Variants in KIAA0319L observed in about 807,000 individuals in gnomAD.
KIAA0319L encodes the protein KIAA0319 like, also known as dyslexia-associated protein KIAA0319-like protein.
Under a neutral mutation model 120.1 loss-of-function variants are expected in KIAA0319L, and 55 were observed. The observed-to-expected ratio is 0.46, with a 90% CI of 0.37 to 0.57. The LOEUF (loss-of-function observed/expected upper bound fraction) is 0.57. KIAA0319L is among the 20% of genes least tolerant of loss of function. KIAA0319L has a pLI of 0.00. For missense variants in KIAA0319L, 1,049 were observed against 1,255.3 expected (o/e 0.84, Z 2.48); for synonymous variants, 398 against 471.9 (o/e 0.84, Z 2.03).
chr1:35,531,094 CT>C (rs1393164841), intron 2 of KIAA0319L, among the ~76,000 whole-genome samples: 2 of 152,222 alleles, frequency 1.3e-5, no homozygotes, highest in African/African-American at 4.8e-5. Flanking sequence ...TAAGCTTCAG[CT>C]TCTGGCAGCA....
At chr1:35,470,697 A>G (rs1643569277) in intron 6 of KIAA0319L, among the ~76,000 whole-genome samples, 166 bp downstream of exon 6, 1 of 152,182 alleles carries the variant, frequency 6.6e-6, no homozygotes, top group Non-Finnish European at 1.5e-5. Context: ...AATTTTGAGA[A>G]TCATACACTA....
intron 2 of KIAA0319L, among the ~76,000 whole-genome samples, chr1:35,547,860 G>A (rs925340237): frequency 1.3e-5 from 2 of 152,114 alleles, no homozygotes; most frequent in Admixed American, 6.5e-5. Context: ...AGTGGCTCAC[G>A]CCTGTAATCC....
In KIAA0319L at chr1:35,506,637, C is replaced by T. The variant is rs533080996; in HGVS notation, c.641G>A (p.Gly214Asp). Residue 214 changes from glycine (G) to aspartate (D), a missense_variant, in exon 3 of 21, where the codon GGT (glycine) becomes GAT (aspartate). Transcript: ENST00000325722. This position sits in a 1 kb window ranked among gnomAD's most constrained non-coding sequence, Gnocchi z 4.0. ...SKVNDSNELG[G>D]LTTSGSAEVH... ...CTCTGCAGAGCCACTGGTAGTCAGA[C>T]CACCTAATTCGTTGGAGTCATTCAC... 22 of 1,613,648 alleles carry T rather than the reference C, an allele frequency of 1.4e-5. No individual in the cohort carries two copies. Among genetic ancestry groups the T allele is most frequent in the East Asian group, 4.5e-5 (2 of 44,892 alleles).
Position 35,505,882 on chromosome 1 carries a change from G to A in KIAA0319L, c.666+730C>T, listed in dbSNP as rs138483531. On this transcript the variant is annotated intron_variant, in intron 3 of 20. Coordinates refer to ENST00000325722, the MANE Select transcript of KIAA0319L (RefSeq NM_024874.5). Reference sequence around the variant, plus strand: ...CAGTGCAACAATTAGTACACAGAGCGCTTGGCATGTCATAGCCCACTCTGG... The same window carrying A: ...CAGTGCAACAATTAGTACACAGAGCACTTGGCATGTCATAGCCCACTCTGG... 7.1e-4 allele frequency among the ~76,000 whole-genome samples: 108 copies of A among 152,284 alleles called. 1 individual carries two copies. The highest frequency in any genetic ancestry group is 2.5e-3 in the African/African-American group (104 of 41,574).
chr1:35,476,609 A>T (rs1257623171), intron 4 of KIAA0319L, among the ~76,000 whole-genome samples: 1 of 152,228 alleles, frequency 6.6e-6, no homozygotes, highest in East Asian at 1.9e-4. Context: ...TCAAAAAAAG[A>T]AAAGAAAGAA....
In KIAA0319L at chr1:35,507,064, G is replaced by A; in HGVS notation, c.214C>T (p.His72Tyr). The A allele has an allele frequency of 6.3e-7, 1 of 1,580,686 alleles. No individual in the cohort carries two copies. Among genetic ancestry groups the A allele is most frequent in the Non-Finnish European group, 8.6e-7 (1 of 1,163,764 alleles). ...GGGGTTCCTTCAAGAAGCCAGAGGT[G>A]ATTTTCTCCCCCAGATCTCAGGCCA... Reference protein sequence around the residue: ...GVGLRSGGENHLWLLEGTPSL... With the variant: ...GVGLRSGGENYLWLLEGTPSL... Residue 72 changes from histidine to tyrosine, a missense_variant, in exon 3 of 21, where the codon CAC (histidine) becomes TAC (tyrosine). His to Tyr is a moderately conservative substitution (Grantham distance 83, BLOSUM62 2). Coordinates refer to ENST00000325722, the MANE Select transcript of KIAA0319L (RefSeq NM_024874.5).
Position 35,450,019 on chromosome 1 carries a change from C to A in KIAA0319L, c.2215-14G>T, listed in dbSNP as rs1020753883. The A allele has an allele frequency of 1.9e-6, 3 of 1,613,964 alleles. No individual in the cohort carries two copies. Among genetic ancestry groups the A allele is most frequent in the Non-Finnish European group, 2.5e-6 (3 of 1,179,840 alleles). On this transcript the variant is annotated splice_polypyrimidine_tract_variant and intron_variant, in intron 14 of 20. Coordinates refer to ENST00000325722, the MANE Select transcript of KIAA0319L (RefSeq NM_024874.5). ...ATTTAACACCTCCTGTAGGGTTGAACAACATGGCTATGTTACAGAACAAAA... is the reference window on the plus strand; with the variant it reads ...ATTTAACACCTCCTGTAGGGTTGAAAAACATGGCTATGTTACAGAACAAAA...
chr1:35,469,718 G>A (rs1643493312), intron 6 of KIAA0319L, among the ~76,000 whole-genome samples: 1 of 151,648 alleles, frequency 6.6e-6, no homozygotes, highest in Non-Finnish European at 1.5e-5. Flanking sequence ...ATAATTACCT[G>A]CTTCCTATCA....
intron 3 of KIAA0319L, among the ~76,000 whole-genome samples, chr1:35,499,232 A>C (rs1156319653): frequency 6.6e-6 from 1 of 152,094 alleles, no homozygotes; most frequent in East Asian, 1.9e-4. Flanking sequence ...TACAGACTGA[A>C]TGTTTGTGTT....
chr1:35,540,065 G>C (rs1211761355), intron 2 of KIAA0319L, among the ~76,000 whole-genome samples: 1 of 152,194 alleles, frequency 6.6e-6, no homozygotes, highest in African/African-American at 2.4e-5. Flanking sequence ...GGAAGAAAGA[G>C]AGCATTCCTA....
At chr1:35,444,880 T>G (rs1641503864) in intron 16 of KIAA0319L, among the ~76,000 whole-genome samples, 1 of 152,238 alleles carries the variant, frequency 6.6e-6, no homozygotes, top group African/African-American at 2.4e-5. Flanking sequence ...GAACTTATAT[T>G]ACTCCATGCC....
intron 3 of KIAA0319L, among the ~76,000 whole-genome samples, chr1:35,500,375 T>C (rs898815389): frequency 2.0e-5 from 3 of 152,162 alleles, no homozygotes; most frequent in Non-Finnish European, 2.9e-5. Flanking sequence ...ATTCAGAGGT[T>C]CATGGTACAG....
At chr1:35,500,342 C>G (rs767902593) in intron 3 of KIAA0319L, among the ~76,000 whole-genome samples, 6 of 152,326 alleles carry the variant, frequency 3.9e-5, no homozygotes, top group South Asian at 2.1e-4. Flanking sequence ...AATCAACAAG[C>G]CTCTGTGCTC....
chr1:35,549,016 T>C (rs1420376146), intron 2 of KIAA0319L, among the ~76,000 whole-genome samples: 2 of 152,010 alleles, frequency 1.3e-5, no homozygotes, highest in Non-Finnish European at 2.9e-5. Flanking sequence ...TAAATGCTTC[T>C]CCTACGGTTC....
chr1:35,537,561 A>G (rs1468487616), intron 2 of KIAA0319L, among the ~76,000 whole-genome samples: 1 of 147,898 alleles, frequency 6.8e-6, no homozygotes, highest in Non-Finnish European at 1.5e-5. Context: ...GGAAAAGTTT[A>G]TATCAATTTA....
At chr1:35,484,627 C>A (rs1644292618) in intron 3 of KIAA0319L, among the ~76,000 whole-genome samples, 1 of 151,616 alleles carries the variant, frequency 6.6e-6, no homozygotes, top group African/African-American at 2.4e-5. Context: ...CTATTTCTTT[C>A]ATTTCTTTTT....
chr1:35,509,461 TAG>T (rs1645338386), intron 2 of KIAA0319L, among the ~76,000 whole-genome samples: 1 of 152,200 alleles, frequency 6.6e-6, no homozygotes, highest in Non-Finnish European at 1.5e-5. Context: ...ATCAATGATT[TAG>T]AGAGACACAT....
At position 35,514,375 on chromosome 1, in the gene KIAA0319L, AAC is replaced by A. The variant is rs539527412; in HGVS notation, c.143-7242_143-7241del. On this transcript the variant is annotated intron_variant, in intron 2 of 20. Transcript: ENST00000325722. ...TCGATGCTAGGGATTAAAAAAAAAA[AAC>A]AAAACTTACAAAATGGACTAAATGC... 2.7e-3 allele frequency among the ~76,000 whole-genome samples: 414 copies of A among 151,866 alleles called. 4 individuals are homozygous for A. The highest frequency in any genetic ancestry group is 0.016 in the South Asian group (76 of 4,814).
intron 11 of KIAA0319L, 92 bp downstream of exon 11, chr1:35,454,270 A>G (rs1363259621): frequency 7.3e-7 from 1 of 1,374,218 alleles, no homozygotes; most frequent in Non-Finnish European, 1.0e-6. Context: ...TTCTGCTTCT[A>G]CCCTCATACA....
Sources: gnomAD v4.1 joint callset for allele counts (sites outside exome capture counted in the v4.1 genomes callset) on GRCh38, gnomAD v4.1.1 for gene constraint, Gnocchi (gnomAD v3.1) non-coding constraint, MANE v1.5 for transcripts, NCBI Gene and HGNC (gene_info 2026-07-23, HGNC 2026-07-21) for gene names.